The following STS variants were observed in gnomAD, a reference collection of about 807,000 sequenced individuals.
STS encodes the protein steryl-sulfatase.
A neutral mutation model predicts 26.8 loss-of-function variants in STS; 7 were observed. The ratio of observed to expected loss-of-function variants is 0.26; its 90% CI spans 0.15 to 0.49. The LOEUF is 0.49. Ranked by LOEUF, STS falls within the 20% of genes least tolerant of loss-of-function variation. The probability of loss-of-function intolerance (pLI) is 0.98; values close to 1 mark genes in which losing one functional copy is unlikely to be tolerated. For missense variants in STS, 434 were observed against 465.6 expected (o/e 0.93, Z 0.63); for synonymous variants, 199 against 189.4 (o/e 1.05, Z -0.42).
At chrX:7,307,319 A>G (rs1175719120) in intron 8 of STS, among the ~76,000 whole-genome samples, 3 of 111,649 alleles carry the variant, frequency 2.7e-5, no homozygotes, top group East Asian at 2.8e-4. Flanking sequence ...AAGTGGAAAC[A>G]TGTATTCCTA....
At chrX:7,208,564 A>G (rs1031850983) in intron 2 of STS, among the ~76,000 whole-genome samples, 3 of 111,442 alleles carry the variant, frequency 2.7e-5, no homozygotes, top group Non-Finnish European at 3.8e-5. Flanking sequence ...TTTTTCTTGT[A>G]TTTCTAGACT....
At chrX:7,222,997 A>G (rs1163860588) in intron 2 of STS, among the ~76,000 whole-genome samples, 1 of 112,051 alleles carries the variant, frequency 8.9e-6, no homozygotes, top group Non-Finnish European at 1.9e-5. Flanking sequence ...AAGTGACAAT[A>G]TGCAGTATTT....
chrX:7,308,236 T>C (rs776070421), intron 8 of STS, among the ~76,000 whole-genome samples: 2 of 112,194 alleles, frequency 1.8e-5, no homozygotes, highest in South Asian at 3.7e-4. Context: ...TTCCACGCTC[T>C]AGTTCATCCA....
intron 9 of STS, among the ~76,000 whole-genome samples, chrX:7,333,079 G>T (rs1195349157): frequency 4.5e-5 from 5 of 111,969 alleles, no homozygotes. Context: ...GTACAGCCAC[G>T]CCAAACTTCC....
intron 7 of STS, among the ~76,000 whole-genome samples, chrX:7,278,996 G>A (rs1034176167): frequency 9.0e-6 from 1 of 111,159 alleles, no homozygotes; most frequent in Non-Finnish European, 1.9e-5. Context: ...ACACCATCCT[G>A]AGGTTACAGA....
chrX:7,253,256 A>C lies in STS; in HGVS notation c.57A>C (p.Ala19=). Residue 19 remains alanine, a synonymous_variant, in exon 3 of 11, where the codon GCA becomes GCC. Transcript: ENST00000674429. ...TGTGGGAAGCCGAGAGCCACGCAGC[A>C]TCAAGGCCGAACATCATCCTGGTGA... is the stretch of plus-strand genomic sequence containing the variant. ...FFLWEAESHA[A]SRPNIILVMA... 1 of 1,211,508 alleles carries C rather than the reference A, an allele frequency of 8.3e-7. No homozygotes were observed. Among genetic ancestry groups the C allele is most frequent in the South Asian group, 1.8e-5 (1 of 56,961 alleles).
chrX:7,345,379 A>T (rs1419702665), intron 10 of STS, among the ~76,000 whole-genome samples: 3 of 111,459 alleles, frequency 2.7e-5, no homozygotes, highest in African/African-American at 9.8e-5. Context: ...TTTAATCTAT[A>T]ACCAAGATCT....
At chrX:7,303,089 C>T (rs187862989) in intron 7 of STS, among the ~76,000 whole-genome samples, 3 of 111,309 alleles carry the variant, frequency 2.7e-5, no homozygotes, top group Non-Finnish European at 3.8e-5. Context: ...ATAATTCCCA[C>T]GTGTTGTGGG....
intron 2 of STS, among the ~76,000 whole-genome samples, chrX:7,206,186 G>A (rs1196720593): frequency 1.8e-5 from 2 of 111,779 alleles, no homozygotes; most frequent in African/African-American, 6.5e-5. Context: ...TTGTTTTATT[G>A]CTTTGGTAAT....
In STS at chrX:7,304,962, T is replaced by C. The variant is rs758773432; in HGVS notation, c.944-84T>C. The C allele has an allele frequency of 1.2e-5, 13 of 1,107,607 alleles. No homozygotes were observed. In the South Asian group the frequency reaches 2.0e-4, roughly 17 times the overall value. The allele number at this position is 1,107,607 out of a possible 1,213,427, so 91.3% of individuals were successfully genotyped here. A position where few individuals can be genotyped will look rare whatever the true frequency, so the allele number is the denominator to read the frequency against. On this transcript the variant is annotated intron_variant, in intron 7 of 10. Coordinates refer to ENST00000674429, the MANE Select transcript of STS (RefSeq NM_001320752.2). ...GAACGTTTACTTCCACCTTGAGAAATTAGCCACCCACTGAGTAGGGCAACC... is the reference window on the plus strand; with the variant it reads ...GAACGTTTACTTCCACCTTGAGAAACTAGCCACCCACTGAGTAGGGCAACC...
At chrX:7,188,757 CA>C (rs1164978652) in intron 1 of STS, among the ~76,000 whole-genome samples, 8 of 111,056 alleles carry the variant, frequency 7.2e-5, no homozygotes, top group East Asian at 5.7e-4. Flanking sequence ...AAGGTGGGGA[CA>C]AAAAAAGGAA....
chrX:7,323,980 C>T (rs993900592), intron 8 of STS, among the ~76,000 whole-genome samples: 2 of 111,838 alleles, frequency 1.8e-5, no homozygotes, highest in African/African-American at 6.5e-5. Context: ...AAGAGTCAGA[C>T]TCTGTAAAAC....
intron 2 of STS, among the ~76,000 whole-genome samples, chrX:7,247,165 G>A (rs1327248606): frequency 2.7e-5 from 3 of 111,951 alleles, no homozygotes; most frequent in Non-Finnish European, 5.6e-5. Context: ...GTCTCCCAAG[G>A]AGATAAAAGT....
chrX:7,174,943 T>C (rs773586217), intron 1 of STS, among the ~76,000 whole-genome samples: 18 of 111,314 alleles, frequency 1.6e-4, no homozygotes, highest in African/African-American at 5.5e-4. Flanking sequence ...CAAGTCTTCA[T>C]GTCTACTGAC....
Position 7,253,185 on chromosome X carries a change from G to T in STS, c.-4-11G>T. ...TCCTTCAGTTCCTTTTTGTGTCCTT[G>T]TCCTTTACAGGAAGATGAAGATCCC... On this transcript the variant is annotated splice_polypyrimidine_tract_variant and intron_variant, in intron 2 of 10. Coordinates refer to ENST00000674429, the MANE Select transcript of STS (RefSeq NM_001320752.2). 1 of 1,210,354 alleles carries T rather than the reference G, an allele frequency of 8.3e-7. No homozygotes were observed. The highest frequency in any genetic ancestry group is 1.1e-6 in the Non-Finnish European group (1 of 894,793).
At chrX:7,184,627 T>C (rs1245520713) in intron 1 of STS, among the ~76,000 whole-genome samples, 1 of 111,733 alleles carries the variant, frequency 8.9e-6, no homozygotes, top group Non-Finnish European at 1.9e-5. Flanking sequence ...AAATATCTCA[T>C]CTGAAGCCCT....
In STS at chrX:7,148,047, A is replaced by T. The variant is rs779796329; in HGVS notation, c.-170A>T. The T allele has an allele frequency of 6.2e-6, 7 of 1,127,746 alleles. No homozygotes were observed. The highest frequency in any genetic ancestry group is 2.8e-5 in the Admixed American group (1 of 35,969). The allele number at this position is 1,127,746 out of a possible 1,213,427, so 92.9% of individuals were successfully genotyped here. ...TTACTGGAGGCGGCGGCTGCACACT[A>T]CCCACCCAGAAGAAGTCCGTCCATG... On this transcript the variant is annotated 5_prime_UTR_variant, in exon 1 of 11. Coordinates refer to ENST00000674429, the MANE Select transcript of STS (RefSeq NM_001320752.2).
intron 6 of STS, among the ~76,000 whole-genome samples, chrX:7,272,714 A>C (rs894820505): frequency 8.9e-6 from 1 of 111,879 alleles, no homozygotes; most frequent in Non-Finnish European, 1.9e-5. Flanking sequence ...AATTCATGCC[A>C]CCTGCCAATC....
intron 10 of STS, among the ~76,000 whole-genome samples, chrX:7,342,784 A>G (rs1412229510): frequency 8.9e-6 from 1 of 112,467 alleles, no homozygotes; most frequent in Non-Finnish European, 1.9e-5. Flanking sequence ...GTGTGCATGT[A>G]TTAAGTTAGA....
Sources: allele counts gnomAD v4.1 joint callset (sites outside exome capture counted in the v4.1 genomes callset), GRCh38; gene constraint gnomAD v4.1.1; transcripts MANE v1.5; gene names NCBI Gene and HGNC (gene_info 2026-07-23, HGNC 2026-07-21).